The following BRIP1 variants were observed in gnomAD, a reference collection of about 807,000 sequenced individuals.
BRIP1 encodes the protein BRCA1 interacting DNA helicase 1, also known as Fanconi anemia group J protein.
A neutral mutation model predicts 119.7 loss-of-function variants in BRIP1; 88 were observed. The observed-to-expected ratio is 0.74, with a 90% CI of 0.62 to 0.88. The LOEUF (loss-of-function observed/expected upper bound fraction) is 0.88. Ranked by LOEUF, BRIP1 falls within the 40% of genes least tolerant of loss-of-function variation. The pLI is 0.00. For synonymous variants in BRIP1, 443 were observed against 496.5 expected (o/e 0.89, Z 1.43); for missense variants, 1,259 against 1,455.4 (o/e 0.87, Z 2.20).
chr17:61,859,815 T>G lies in BRIP1; in HGVS notation c.186A>C (p.Ala62=). 1 of 1,613,222 alleles carries G rather than the reference T, an allele frequency of 6.2e-7. No homozygotes were observed. Residue 62 remains alanine (A), a synonymous_variant, in exon 3 of 20, where the codon GCA becomes GCC. Transcript: ENST00000259008. ...KSLALLCSAL[A]WQQSLSGKPA... Reference sequence around the variant, plus strand: ...ACTTACCACTAAGAGATTGTTGCCATGCTAAAGCAGAACAAAGTAAGGCTA... The same window carrying G: ...ACTTACCACTAAGAGATTGTTGCCAGGCTAAAGCAGAACAAAGTAAGGCTA...
chr17:61,806,927 A>C lies in BRIP1; in HGVS notation c.918+1540T>G, dbSNP rs1341941322. ...TGGCCAGGCCAGTCTCGAACTCCTG[A>C]CCTCAAGTGCCCGCCTCTGCCTCCC... is the stretch of plus-strand genomic sequence containing the variant. On this transcript the variant is annotated intron_variant, in intron 7 of 19. Transcript: ENST00000259008. This position sits in a 1 kb window ranked among gnomAD's most constrained non-coding sequence, Gnocchi z 4.9. Among the ~76,000 whole-genome samples, 4 of 152,122 alleles carry C rather than the reference A, an allele frequency of 2.6e-5. No individual in the cohort carries two copies. Among genetic ancestry groups the C allele is most frequent in the Non-Finnish European group, 4.4e-5 (3 of 68,008 alleles).
rs961189464 is a variant in BRIP1 at position 61,736,504 on chromosome 17, TA to T, written c.2379+6508del. On this transcript the variant is annotated intron_variant, in intron 16 of 19. Coordinates refer to ENST00000259008, the MANE Select transcript of BRIP1 (RefSeq NM_032043.3). This position sits in a 1 kb window ranked among gnomAD's most constrained non-coding sequence, Gnocchi z 4.4. ...TCCTCTAATGATTTACTACTATAACTACCCTGTATTGCCTCCTTATGAGTCA... is the reference window on the plus strand; with the variant it reads ...TCCTCTAATGATTTACTACTATAACTCCCTGTATTGCCTCCTTATGAGTCA... 6.6e-6 allele frequency among the ~76,000 whole-genome samples: 1 copy of T among 152,164 alleles called. No homozygotes were observed. Among genetic ancestry groups the T allele is most frequent in the Non-Finnish European group, 1.5e-5 (1 of 68,016 alleles).
In BRIP1 at chr17:61,754,816, G is replaced by A. The variant is rs776274767; in HGVS notation, c.2098-10225C>T. The stretch of plus-strand genomic sequence containing the variant: ...GAGAGGAACAGGGAGAGAGAGCAAT[G>A]AAGTTTTCTGGTGTCTCTTCTTATA... On this transcript the variant is annotated intron_variant, in intron 14 of 19. Coordinates refer to ENST00000259008, the MANE Select transcript of BRIP1 (RefSeq NM_032043.3). This position sits in a 1 kb window ranked among gnomAD's most constrained non-coding sequence, Gnocchi z 4.1. Among the ~76,000 whole-genome samples, 3 of 152,092 alleles carry A rather than the reference G, an allele frequency of 2.0e-5. No homozygotes were observed. Among genetic ancestry groups the A allele is most frequent in the African/African-American group, 4.8e-5 (2 of 41,404 alleles).
rs2061253795 is a variant in BRIP1 at position 61,680,181 on chromosome 17, T to TAAAAACAAAAAAAAAA, written c.*3114_*3115insTTTTTTTTTTGTTTTT. On this transcript the variant is annotated 3_prime_UTR_variant, in exon 20 of 20. Coordinates refer to ENST00000259008, the MANE Select transcript of BRIP1 (RefSeq NM_032043.3). ...AACATGGTGAAACCCTGTCGATACT[T>TAAAAACAAAAAAAAAA]AAAAAAAAAAAAAAAAAAAAATTAG... is the stretch of plus-strand genomic sequence containing the variant. Among the ~76,000 whole-genome samples, 1 of 127,944 alleles carries TAAAAACAAAAAAAAAA rather than the reference T, an allele frequency of 7.8e-6. No homozygotes were observed. The highest frequency in any genetic ancestry group is 1.7e-5 in the Non-Finnish European group (1 of 60,302). The allele number at this position is 127,944 out of a possible 152,430, so 83.9% of individuals were successfully genotyped here.
Position 61,767,529 on chromosome 17 carries a change from C to CA in BRIP1, c.2097+8871_2097+8872insT, listed in dbSNP as rs2077390357. Among the ~76,000 whole-genome samples, 1 of 152,158 alleles carries CA rather than the reference C, an allele frequency of 6.6e-6. No homozygotes were observed. The highest frequency in any genetic ancestry group is 1.9e-4 in the East Asian group (1 of 5,190). Reference sequence around the variant, plus strand: ...GCCTCAAGTGATCCTCCTATCTCAGCCTCCCAAATTGCTGGGATTATAGGC... The same window carrying CA: ...GCCTCAAGTGATCCTCCTATCTCAGCACTCCCAAATTGCTGGGATTATAGGC... On this transcript the variant is annotated intron_variant, in intron 14 of 19. Coordinates refer to ENST00000259008, the MANE Select transcript of BRIP1 (RefSeq NM_032043.3). The surrounding 1 kb of genome is among the most constrained non-coding windows in gnomAD (Gnocchi z 5.7).
chr17:61,793,735 A>C lies in BRIP1; in HGVS notation c.1341-6T>G. ...CAGCGTTTGCTTCTAACCAACTGAA[A>C]TAAAATAAAACAATTGTGTCAACCA... On this transcript the variant is annotated splice_region_variant and splice_polypyrimidine_tract_variant and intron_variant, in intron 9 of 19. Transcript: ENST00000259008. The surrounding 1 kb of genome is among the most constrained non-coding windows in gnomAD (Gnocchi z 5.2). 6.2e-7 allele frequency: 1 copy of C among 1,608,046 alleles called. No individual in the cohort carries two copies. The highest frequency in any genetic ancestry group is 8.5e-7 in the Non-Finnish European group (1 of 1,178,188).
intron 6 of BRIP1, among the ~76,000 whole-genome samples, chr17:61,829,165 GATAA>G (rs2078452506): frequency 6.6e-6 from 1 of 151,972 alleles, no homozygotes; most frequent in South Asian, 2.1e-4. Flanking sequence ...TGTCAGATTG[GATAA>G]ATAAAGAAGA....
At chr17:61,854,561 G>C (rs916429286) in intron 4 of BRIP1, among the ~76,000 whole-genome samples, 2 of 151,944 alleles carry the variant, frequency 1.3e-5, no homozygotes, top group African/African-American at 4.8e-5. Flanking sequence ...ACAAAAATTA[G>C]CCAGGTGTGG....
At position 61,832,175 on chromosome 17, in the gene BRIP1, T is replaced by C. The variant is rs1053034384; in HGVS notation, c.627+14926A>G. ...AAAATATAAGGTGAGCCTGGAACACTATCTTTTGCCAAAAAATAAGGAAGC... is the reference window on the plus strand; with the variant it reads ...AAAATATAAGGTGAGCCTGGAACACCATCTTTTGCCAAAAAATAAGGAAGC... On this transcript the variant is annotated intron_variant, in intron 6 of 19. Transcript: ENST00000259008. The surrounding 1 kb of genome is among the most constrained non-coding windows in gnomAD (Gnocchi z 5.5). Among the ~76,000 whole-genome samples the C allele has an allele frequency of 1.3e-5, 2 of 152,178 alleles. No homozygotes were observed. The highest frequency in any genetic ancestry group is 2.9e-5 in the Non-Finnish European group (2 of 68,024).
rs1165621687 is a variant in BRIP1 at position 61,724,345 on chromosome 17, T to C, written c.2380-8282A>G. Among the ~76,000 whole-genome samples, 1 of 152,148 alleles carries C rather than the reference T, an allele frequency of 6.6e-6. No homozygotes were observed. Among genetic ancestry groups the C allele is most frequent in the African/African-American group, 2.4e-5 (1 of 41,442 alleles). The stretch of plus-strand genomic sequence containing the variant: ...TAAGTTCTCCATGCCTTGGTTTTAT[T>C]GGAAACAGTATAAGTAGCAGAGCAC... On this transcript the variant is annotated intron_variant, in intron 16 of 19. Transcript: ENST00000259008. This position sits in a 1 kb window ranked among gnomAD's most constrained non-coding sequence, Gnocchi z 5.1.
rs745652331 is a variant in BRIP1 at position 61,705,543 on chromosome 17, AC to A, written c.2492+10407del. On this transcript the variant is annotated intron_variant, in intron 17 of 19. Transcript: ENST00000259008. The surrounding 1 kb of genome is among the most constrained non-coding windows in gnomAD (Gnocchi z 5.0). The stretch of plus-strand genomic sequence containing the variant: ...TTTCACTGATTTCATTATTTTTGTT[AC>A]AATTCATCAATTTATACTTGTTTTT... Among the ~76,000 whole-genome samples the A allele has an allele frequency of 7.9e-5, 12 of 152,156 alleles. No individual in the cohort carries two copies. In the East Asian group the frequency reaches 1.2e-3, roughly 15 times the overall value.
rs1567848930 is a variant in BRIP1 at position 61,822,259 on chromosome 17, T to C, written c.628-13502A>G. Reference sequence around the variant, plus strand: ...ATTTTTTTCTGTAAAATCTTTGATGTTACTAGAATTTTTATAAGCAAATAT... The same window carrying C: ...ATTTTTTTCTGTAAAATCTTTGATGCTACTAGAATTTTTATAAGCAAATAT... On this transcript the variant is annotated intron_variant, in intron 6 of 19. Transcript: ENST00000259008. This position sits in a 1 kb window ranked among gnomAD's most constrained non-coding sequence, Gnocchi z 4.4. Among the ~76,000 whole-genome samples, 2 of 152,180 alleles carry C rather than the reference T, an allele frequency of 1.3e-5. No homozygotes were observed.
In BRIP1 at chr17:61,683,589, C is replaced by T. The variant is rs2144075311; in HGVS notation, c.3457G>A (p.Asp1153Asn). Residue 1153 changes from aspartate (D) to asparagine (N), a missense_variant, in exon 20 of 20, where the codon GAT becomes AAT. By Grantham distance (23) the Asp-to-Asn change is conservative. This residue lies in a region of BRIP1 where 753 missense variants were observed against 891.8 expected (regional missense o/e 0.84). Coordinates refer to ENST00000259008, the MANE Select transcript of BRIP1 (RefSeq NM_032043.3). This position sits in a 1 kb window ranked among gnomAD's most constrained non-coding sequence, Gnocchi z 4.7. ...DEEKNDLAET[D>N]RGNRLANNSD... is the part of the protein sequence containing the mutation. ...TTGTTAGCCAATCTATTTCCTCTAT[C>T]AGTTTCAGCTAGGTCATTTTTTTCT... 6.2e-7 allele frequency: 1 copy of T among 1,612,516 alleles called. No homozygotes were observed. The highest frequency in any genetic ancestry group is 1.1e-5 in the South Asian group (1 of 91,030).
chr17:61,784,054 C>A, intron 11 of BRIP1: 1 of 452,046 alleles, frequency 2.2e-6, no homozygotes, highest in South Asian at 2.6e-5. Context: ...TGCACTTCAG[C>A]CTGGGTGACA....
At chr17:61,716,140 G>T in intron 16 of BRIP1, 77 bp from the exon 17 acceptor site, 2 of 880,338 alleles carry the variant, frequency 2.3e-6, no homozygotes, top group South Asian at 1.9e-5. Context: ...ACTTCTAACA[G>T]TTTGAATATA....
rs1036072030 is a variant in BRIP1, at chr17:61,717,288, T to G, written c.2380-1225A>C. ...CTGTTTTGTCCCAAAAGATTATCTT[T>G]TAAAATATACCGTATTTACCCACAG... On this transcript the variant is annotated intron_variant, in intron 16 of 19. Coordinates refer to ENST00000259008, the MANE Select transcript of BRIP1 (RefSeq NM_032043.3). This position sits in a 1 kb window ranked among gnomAD's most constrained non-coding sequence, Gnocchi z 4.1. Among the ~76,000 whole-genome samples, 1 of 152,150 alleles carries G rather than the reference T, an allele frequency of 6.6e-6. No homozygotes were observed. The highest frequency in any genetic ancestry group is 2.4e-5 in the African/African-American group (1 of 41,460).
chr17:61,817,536 T>G (rs2078255073), intron 6 of BRIP1, among the ~76,000 whole-genome samples: 1 of 152,244 alleles, frequency 6.6e-6, no homozygotes, highest in Admixed American at 6.5e-5. Context: ...TAAATGGTTA[T>G]TATTACATAC....
rs1324099884 is a variant in BRIP1 at position 61,860,658 on chromosome 17, T to G, written c.94-751A>C. On this transcript the variant is annotated intron_variant, in intron 2 of 19. Transcript: ENST00000259008. This position sits in a 1 kb window ranked among gnomAD's most constrained non-coding sequence, Gnocchi z 4.1. ...CTGGGCGACAGAGTGAGACGCTGTCTCAAAAACAAAAAGAAAAAAGGAAGT... is the reference window on the plus strand; with the variant it reads ...CTGGGCGACAGAGTGAGACGCTGTCGCAAAAACAAAAAGAAAAAAGGAAGT... 6.6e-6 allele frequency among the ~76,000 whole-genome samples: 1 copy of G among 151,824 alleles called. No individual in the cohort carries two copies. Among genetic ancestry groups the G allele is most frequent in the Admixed American group, 6.6e-5 (1 of 15,240 alleles).
chr17:61,737,091 G>A (rs1265375424), intron 16 of BRIP1, among the ~76,000 whole-genome samples: 4 of 151,914 alleles, frequency 2.6e-5, no homozygotes, highest in African/African-American at 9.7e-5. Flanking sequence ...CATATAAAAG[G>A]AAAGAAGGGA....
Sources: gnomAD v4.1 joint callset for allele counts (sites outside exome capture counted in the v4.1 genomes callset) on GRCh38, gnomAD v4.1.1 for gene constraint, gnomAD v4.1.1 regional missense constraint, Gnocchi (gnomAD v3.1) non-coding constraint, MANE v1.5 for transcripts, NCBI Gene and HGNC (gene_info 2026-07-23, HGNC 2026-07-21) for gene names.